Variants in BRINP3 observed in about 807,000 individuals in gnomAD.
BRINP3 encodes the protein BMP/retinoic acid-inducible neural-specific protein 3.
A neutral mutation model predicts 71.0 loss-of-function variants in BRINP3; 19 were observed. That is an observed-to-expected ratio of 0.27 (90% CI 0.19 to 0.39). The LOEUF is 0.39. Ranked by LOEUF, BRINP3 falls within the 10% of genes least tolerant of loss-of-function variation. The probability of loss-of-function intolerance (pLI) is 1.00; values close to 1 mark genes in which losing one functional copy is unlikely to be tolerated. For missense variants in BRINP3, 959 were observed against 940.8 expected, an observed-to-expected ratio of 1.02 and a Z score of -0.25; for synonymous variants, 380 against 337.7, an observed-to-expected ratio of 1.13 and a Z score of -1.37.
intron 2 of BRINP3, among the ~76,000 whole-genome samples, chr1:190,421,195 T>A (rs1673355712): frequency 1.3e-5 from 2 of 151,544 alleles, no homozygotes; most frequent in Admixed American, 1.3e-4. Flanking sequence ...TCCAATTTCT[T>A]AAGACAAATG....
In BRINP3 at chr1:190,373,210, C is replaced by T. The variant is rs557310524; in HGVS notation, c.236+81445G>A. Among the ~76,000 whole-genome samples the T allele has an allele frequency of 1.4e-3, 209 of 151,774 alleles. 1 individual carries two copies. Among genetic ancestry groups the T allele is most frequent in the African/African-American group, 4.8e-3 (197 of 41,406 alleles). On this transcript the variant is annotated intron_variant, in intron 2 of 7. Transcript: ENST00000367462. ...TTCCAGATCAGCCTGGCTAACATGG[C>T]GAAACCCCGTTTCTACTAAAAATAC...
chr1:190,241,059 T>G (rs922660491), intron 4 of BRINP3, among the ~76,000 whole-genome samples: 1 of 151,968 alleles, frequency 6.6e-6, no homozygotes, highest in African/African-American at 2.4e-5. Flanking sequence ...CTATGCATAA[T>G]TATACACAGT....
chr1:190,397,453 A>G (rs1401715110), intron 2 of BRINP3, among the ~76,000 whole-genome samples: 3 of 151,940 alleles, frequency 2.0e-5, no homozygotes, highest in African/African-American at 7.2e-5. Flanking sequence ...GGACTCAGGC[A>G]CTTGACTTAT....
intron 2 of BRINP3, among the ~76,000 whole-genome samples, chr1:190,305,225 A>G (rs1195269961): frequency 6.6e-6 from 1 of 151,940 alleles, no homozygotes; most frequent in Non-Finnish European, 1.5e-5. Flanking sequence ...TCAAACTACA[A>G]TATCATCCAG....
intron 2 of BRINP3, among the ~76,000 whole-genome samples, chr1:190,334,401 G>C (rs935252207): frequency 5.3e-5 from 8 of 151,620 alleles, no homozygotes; most frequent in Non-Finnish European, 8.9e-5. Flanking sequence ...TTTTAAAATG[G>C]AAAAATCAAC....
intron 2 of BRINP3, among the ~76,000 whole-genome samples, chr1:190,310,550 C>T (rs996893521): frequency 6.6e-6 from 1 of 151,548 alleles, no homozygotes; most frequent in Non-Finnish European, 1.5e-5. Context: ...TACTGCATGC[C>T]ATTTTTTAAA....
At chr1:190,226,660 T>A (rs1187472478) in intron 5 of BRINP3, among the ~76,000 whole-genome samples, 2 of 151,980 alleles carry the variant, frequency 1.3e-5, no homozygotes, top group Non-Finnish European at 2.9e-5. Context: ...AATACACATA[T>A]GCATTTATTT....
Position 190,127,921 on chromosome 1 carries a change from T to G in BRINP3, c.1185-28787A>C, listed in dbSNP as rs1011176739. On this transcript the variant is annotated intron_variant, in intron 7 of 7. Coordinates refer to ENST00000367462, the MANE Select transcript of BRINP3 (RefSeq NM_199051.3). Reference sequence around the variant, plus strand: ...TGTAATCTAGTTCACTATTTCAACTTGAGGATTCCAGGATCAATAGGATAG... The same window carrying G: ...TGTAATCTAGTTCACTATTTCAACTGGAGGATTCCAGGATCAATAGGATAG... 5.3e-5 allele frequency among the ~76,000 whole-genome samples: 8 copies of G among 151,740 alleles called. No homozygotes were observed. The South Asian group carries it at 1.2e-3, about 24-fold the overall frequency.
At chr1:190,115,166 A>G (rs1029584656) in intron 7 of BRINP3, among the ~76,000 whole-genome samples, 1 of 152,194 alleles carries the variant, frequency 6.6e-6, no homozygotes, top group Non-Finnish European at 1.5e-5. Context: ...GAATGGATGA[A>G]TAAATTTACT....
intron 6 of BRINP3, among the ~76,000 whole-genome samples, chr1:190,189,957 G>A (rs1008799165): frequency 1.3e-5 from 2 of 152,148 alleles, no homozygotes; most frequent in Non-Finnish European, 2.9e-5. Flanking sequence ...CAGTCAGTGT[G>A]GCACTGCCAA....
At chr1:190,232,477 G>A (rs1658086849) in intron 5 of BRINP3, among the ~76,000 whole-genome samples, 2 of 151,944 alleles carry the variant, frequency 1.3e-5, no homozygotes, top group East Asian at 1.9e-4. Flanking sequence ...CTTCCTAATA[G>A]TATTTTCAGA....
At chr1:190,438,955 C>CCT (rs943244741) in intron 2 of BRINP3, among the ~76,000 whole-genome samples, 49 of 151,976 alleles carry the variant, frequency 3.2e-4, no homozygotes, top group Middle Eastern at 6.8e-3. Context: ...TATTTTCAGG[C>CCT]CTCTCTGTTT....
chr1:190,458,068 T>G (rs1186310416), intron 1 of BRINP3, among the ~76,000 whole-genome samples: 1 of 152,120 alleles, frequency 6.6e-6, no homozygotes, highest in Non-Finnish European at 1.5e-5. Flanking sequence ...TTTAATTTTG[T>G]GCAGAGAACT....
chr1:190,289,298 G>A (rs1413557461), intron 2 of BRINP3, among the ~76,000 whole-genome samples: 2 of 151,798 alleles, frequency 1.3e-5, no homozygotes, highest in Non-Finnish European at 2.9e-5. Flanking sequence ...ATGTCTTAAA[G>A]GGAATTCCTT....
intron 2 of BRINP3, among the ~76,000 whole-genome samples, chr1:190,438,287 A>G (rs1056235277): frequency 5.3e-5 from 8 of 151,708 alleles, no homozygotes; most frequent in Middle Eastern, 3.4e-3. Context: ...CTATAAAAAT[A>G]ACTAAAATAT....
intron 4 of BRINP3, among the ~76,000 whole-genome samples, chr1:190,238,316 T>C (rs535357269): frequency 3.3e-5 from 5 of 152,096 alleles, no homozygotes; most frequent in Admixed American, 3.3e-4. Flanking sequence ...AAAATAGAAA[T>C]AAAGATTTAA....
intron 6 of BRINP3, among the ~76,000 whole-genome samples, chr1:190,168,750 T>C (rs1271224889): frequency 1.3e-5 from 2 of 152,176 alleles, no homozygotes; most frequent in Non-Finnish European, 2.9e-5. Flanking sequence ...GTATTCATAT[T>C]CCATCTCCAA....
Position 190,415,000 on chromosome 1 carries a change from A to G in BRINP3, c.236+39655T>C, listed in dbSNP as rs560804321. Among the ~76,000 whole-genome samples, 503 of 152,340 alleles carry G rather than the reference A, an allele frequency of 3.3e-3. 3 individuals are homozygous for G. The highest frequency in any genetic ancestry group is 4.0e-3 in the Non-Finnish European group (275 of 68,038). On this transcript the variant is annotated intron_variant, in intron 2 of 7. Coordinates refer to ENST00000367462, the MANE Select transcript of BRINP3 (RefSeq NM_199051.3). Reference sequence around the variant, plus strand: ...ACTATAGACTATAAATAGATTAATTAACTATTTTAAGTGCTTAGTTAAAAA... The same window carrying G: ...ACTATAGACTATAAATAGATTAATTGACTATTTTAAGTGCTTAGTTAAAAA...
intron 6 of BRINP3, among the ~76,000 whole-genome samples, chr1:190,173,110 T>A (rs1336439272): frequency 6.6e-6 from 1 of 152,198 alleles, no homozygotes; most frequent in Non-Finnish European, 1.5e-5. Context: ...GTTATTTTAT[T>A]TTCCTGTTTA....
Sources: gnomAD v4.1 joint callset for allele counts (sites outside exome capture counted in the v4.1 genomes callset) on GRCh38, gnomAD v4.1.1 for gene constraint, MANE v1.5 for transcripts, NCBI Gene and HGNC (gene_info 2026-07-23, HGNC 2026-07-21) for gene names.